Variants in RGS6 observed in about 807,000 individuals in gnomAD.
RGS6 encodes the protein regulator of G-protein signaling 6.
A neutral mutation model predicts 78.5 loss-of-function variants in RGS6; 30 were observed. The observed-to-expected ratio is 0.38, with a 90% confidence interval of 0.29 to 0.52. The LOEUF (loss-of-function observed/expected upper bound fraction) is 0.52, where lower values mean the gene tolerates loss of function less well. Ranked by LOEUF, RGS6 falls within the 20% of genes least tolerant of loss-of-function variation. RGS6 has a pLI of 0.85. For missense variants in RGS6, 495 were observed against 609.7 expected (o/e 0.81, Z 1.98); for synonymous variants, 206 against 206.0 (o/e 1.00, Z 0.00).
At chr14:72,247,295 C>G (rs1259315620) in intron 2 of RGS6, among the ~76,000 whole-genome samples, 1 of 152,160 alleles carries the variant, frequency 6.6e-6, no homozygotes, top group Admixed American at 6.5e-5. Flanking sequence ...TTTTGTGTCT[C>G]CCCAAAGACA....
chr14:72,196,124 G>A (rs996169509), intron 2 of RGS6, among the ~76,000 whole-genome samples: 4 of 152,072 alleles, frequency 2.6e-5, no homozygotes, highest in African/African-American at 7.2e-5. Context: ...GCGAGAATTC[G>A]AAAGCAGAGA....
At chr14:72,411,680 TCA>T in intron 3 of RGS6, among the ~76,000 whole-genome samples, 1 of 152,214 alleles carries the variant, frequency 6.6e-6, no homozygotes, top group African/African-American at 2.4e-5. Context: ...TTTTGTCCAT[TCA>T]GTATGATATT....
At chr14:72,625,351 T>C in the RGS6 span, among the ~76,000 whole-genome samples, 4 of 152,220 alleles carry the variant, frequency 2.6e-5, no homozygotes, top group Admixed American at 2.6e-4. Flanking sequence ...ATTTTTTTGC[T>C]CAAGTTTTCC....
rs748926770 is a variant in RGS6, at chr14:72,465,811, G to T, written c.448G>T (p.Asp150Tyr). The T allele has an allele frequency of 6.2e-6, 10 of 1,612,868 alleles. No homozygotes were observed. Among genetic ancestry groups the T allele is most frequent in the Non-Finnish European group, 8.5e-6 (10 of 1,178,852 alleles). Reference sequence around the variant, plus strand: ...AAATAAAGCAAGGCTGGAACTGGCAGATTATGAAGCAGTAAGTATGATTAT... The same window carrying T: ...AAATAAAGCAAGGCTGGAACTGGCATATTATGAAGCAGTAAGTATGATTAT... ...MQNKARLELA[D>Y]YEAENLARLQ... The change falls in exon 7 of 18, where the codon GAT becomes TAT. Residue 150 changes from aspartate (D) to tyrosine (Y), a missense_variant. Asp to Tyr is a radical substitution (Grantham distance 160). Coordinates refer to ENST00000553525, the MANE Select transcript of RGS6 (RefSeq NM_001204424.2).
At chr14:72,360,423 G>C (rs1341312053) in intron 3 of RGS6, among the ~76,000 whole-genome samples, 1 of 152,014 alleles carries the variant, frequency 6.6e-6, no homozygotes, top group Non-Finnish European at 1.5e-5. Context: ...TCGGGAGGCT[G>C]AGGCAGGAGA....
intron 3 of RGS6, among the ~76,000 whole-genome samples, chr14:72,425,515 G>C (rs1200121185): frequency 6.6e-6 from 1 of 152,122 alleles, no homozygotes; most frequent in Non-Finnish European, 1.5e-5. Flanking sequence ...CTGTTAATCA[G>C]TATACAAATA....
At chr14:72,064,397 C>A (rs2094036190) in intron 2 of RGS6, among the ~76,000 whole-genome samples, 1 of 152,174 alleles carries the variant, frequency 6.6e-6, no homozygotes, top group East Asian at 1.9e-4. Flanking sequence ...CAAGCTTAAT[C>A]TCAAAAGAGA....
At chr14:71,928,409 T>C (rs999423988), upstream of RGS6, among the ~76,000 whole-genome samples, 3 of 152,208 alleles carry the variant, frequency 2.0e-5, no homozygotes, top group African/African-American at 7.2e-5. Flanking sequence ...TGTGGGAGTT[T>C]GAGGAAAAGT....
At chr14:71,948,226 T>A (rs2091818774) in intron 1 of RGS6, among the ~76,000 whole-genome samples, 1 of 152,192 alleles carries the variant, frequency 6.6e-6, no homozygotes, top group Non-Finnish European at 1.5e-5. Context: ...AGGGGAGGAA[T>A]CTTCTTTCTT....
chr14:71,949,796 G>A (rs918826391), intron 1 of RGS6, among the ~76,000 whole-genome samples: 1 of 73,006 alleles, frequency 1.4e-5, no homozygotes, highest in Non-Finnish European at 3.0e-5. Context: ...TTTTTTTTTT[G>A]CCTTTTAGCC....
chr14:71,956,173 T>C (rs1201667719), intron 1 of RGS6, among the ~76,000 whole-genome samples: 1 of 152,170 alleles, frequency 6.6e-6, no homozygotes, highest in African/African-American at 2.4e-5. Flanking sequence ...CTAGTCAGCC[T>C]GGTTGTGTGA....
At chr14:72,394,663 A>G (rs1161308615) in intron 3 of RGS6, among the ~76,000 whole-genome samples, 1 of 152,214 alleles carries the variant, frequency 6.6e-6, no homozygotes, top group Non-Finnish European at 1.5e-5. Flanking sequence ...TTCCTTGAAC[A>G]TTGCTGTTAT....
chr14:72,357,596 G>T (rs761899213), intron 3 of RGS6, among the ~76,000 whole-genome samples: 1 of 152,206 alleles, frequency 6.6e-6, no homozygotes, highest in Admixed American at 6.5e-5. Context: ...TTTTGGCCCT[G>T]CCCTAGAGAT....
intron 2 of RGS6, among the ~76,000 whole-genome samples, chr14:72,159,101 TAACA>T (rs1431990795): frequency 6.6e-6 from 1 of 152,236 alleles, no homozygotes; most frequent in African/African-American, 2.4e-5. Flanking sequence ...TTAAACTATT[TAACA>T]AACTACGAAG....
At chr14:72,550,487 C>G in intron 17 of RGS6, 2 of 1,535,688 alleles carry the variant, frequency 1.3e-6, no homozygotes, top group Non-Finnish European at 1.7e-6. Context: ...GGACCGAAAG[C>G]CTGGCCTTAA....
chr14:72,415,406 G>A lies in RGS6; in HGVS notation c.185-39122G>A, dbSNP rs558110427. Reference sequence around the variant, plus strand: ...CGTTGGAAAAGGGCAGTATTAGGGTGGAAGTGACCCAATTTTCTGGGTTCC... The same window carrying A: ...CGTTGGAAAAGGGCAGTATTAGGGTAGAAGTGACCCAATTTTCTGGGTTCC... On this transcript the variant is annotated intron_variant, in intron 3 of 17. Coordinates refer to ENST00000553525, the MANE Select transcript of RGS6 (RefSeq NM_001204424.2). Among the ~76,000 whole-genome samples, 9 of 152,374 alleles carry A rather than the reference G, an allele frequency of 5.9e-5. No homozygotes were observed. In the South Asian group the frequency reaches 8.3e-4, roughly 14 times the overall value.
chr14:72,588,324 G>T, the RGS6 span, among the ~76,000 whole-genome samples: 10 of 152,280 alleles, frequency 6.6e-5, no homozygotes, highest in East Asian at 1.7e-3. Flanking sequence ...TTCCCAGAAA[G>T]ACCTGGGAGG....
chr14:71,977,955 G>C (rs2094228089), intron 2 of RGS6, among the ~76,000 whole-genome samples: 1 of 150,280 alleles, frequency 6.7e-6, no homozygotes, highest in African/African-American at 2.4e-5. Flanking sequence ...GTGGTTTGTA[G>C]TTCTCCTTGA....
intron 2 of RGS6, among the ~76,000 whole-genome samples, chr14:72,349,344 G>A (rs1038639233): frequency 2.6e-5 from 4 of 152,134 alleles, no homozygotes; most frequent in Non-Finnish European, 5.9e-5. Context: ...AAGAGGGCAA[G>A]AGAAGGGAGT....
Sources: gnomAD v4.1 joint callset for allele counts (sites outside exome capture counted in the v4.1 genomes callset) on GRCh38, gnomAD v4.1.1 for gene constraint, MANE v1.5 for transcripts, NCBI Gene and HGNC (gene_info 2026-07-23, HGNC 2026-07-21) for gene names.